The following BAZ1A variants were observed in gnomAD, a reference collection of about 807,000 sequenced individuals.
BAZ1A encodes the protein bromodomain adjacent to zinc finger domain 1A.
In BAZ1A, 50 loss-of-function variants were observed where a neutral mutation model predicts 185.2. That is an observed-to-expected ratio of 0.27 (90% CI 0.22 to 0.34). The LOEUF (loss-of-function observed/expected upper bound fraction) is 0.34. Ranked by LOEUF, BAZ1A falls within the 10% of genes least tolerant of loss-of-function variation. The pLI is 1.00. For missense variants in BAZ1A, 1,356 were observed against 1,839.9 expected (o/e 0.74, Z 4.81); for synonymous variants, 571 against 615.6 (o/e 0.93, Z 1.07).
chr14:34,810,920 G>T lies in BAZ1A; in HGVS notation c.638+15C>A, dbSNP rs1018738134. ...TTCTACTTTAAACTACTATTGAGAA[G>T]ATAGTGAGTTTTACCTGATTTGTGT... On this transcript the variant is annotated intron_variant, in intron 5 of 26. Coordinates refer to ENST00000360310, the MANE Select transcript of BAZ1A (RefSeq NM_013448.3). 6 of 1,531,890 alleles carry T rather than the reference G, an allele frequency of 3.9e-6. No homozygotes were observed. The highest frequency in any genetic ancestry group is 4.5e-6 in the Non-Finnish European group (5 of 1,109,406). 94.9% of individuals were successfully genotyped at this position (1,531,890 alleles called of 1,614,324 possible).
chr14:34,832,187 CATAT>C (rs113371932), intron 3 of BAZ1A, among the ~76,000 whole-genome samples: 3,809 of 98,904 alleles, frequency 0.039, 113 homozygotes, highest in Admixed American at 0.068. Flanking sequence ...TACATATATA[CATAT>C]ACACACACAC....
intron 19 of BAZ1A, 33 bp downstream of exon 19, chr14:34,774,289 GTAGAT>G (rs1211613919): frequency 3.2e-6 from 5 of 1,564,658 alleles, no homozygotes; most frequent in Non-Finnish European, 3.5e-6. Context: ...TCTGGACCAA[GTAGAT>G]TAGACAAACT....
Position 34,862,308 on chromosome 14 carries a change from C to G in BAZ1A, c.128G>C (p.Arg43Pro). 6.3e-7 allele frequency: 1 copy of G among 1,593,592 alleles called. No individual in the cohort carries two copies. Among genetic ancestry groups the G allele is most frequent in the Non-Finnish European group, 8.5e-7 (1 of 1,171,082 alleles). Residue 43 changes from arginine (R) to proline (P), a missense_variant, in exon 3 of 27, where the codon CGA becomes CCA. Physicochemically the swap from Arg to Pro is moderately radical, Grantham distance 103. Coordinates refer to ENST00000360310, the MANE Select transcript of BAZ1A (RefSeq NM_013448.3). ...CACAAGGCTGTTGCACAGAATGGTT[C>G]GTTCAAAAAAGTCACTGATTAAAAA... ...IFRHYDDFFE[R>P]TILCNSLVWS...
intron 3 of BAZ1A, among the ~76,000 whole-genome samples, chr14:34,840,735 C>T (rs1327208506): frequency 6.6e-6 from 1 of 151,432 alleles, no homozygotes; most frequent in African/African-American, 2.4e-5. Context: ...CCAGCCTGGG[C>T]GACAGAGTGA....
chr14:34,795,940 T>C (rs1400862309), intron 9 of BAZ1A, among the ~76,000 whole-genome samples, 175 bp from the exon 10 acceptor site: 1 of 152,016 alleles, frequency 6.6e-6, no homozygotes, highest in Non-Finnish European at 1.5e-5. Context: ...CTTCTGGTGG[T>C]TTTTAATACA....
rs570205497 is a variant in BAZ1A at position 34,835,962 on chromosome 14, G to A, written c.393-9806C>T. ...TTGGATTACAGGCGTGAGCCACTGC[G>A]CCCAGCTGGAAATAGCTTTTTATGA... is the stretch of plus-strand genomic sequence containing the variant. On this transcript the variant is annotated intron_variant, in intron 3 of 26. Coordinates refer to ENST00000360310, the MANE Select transcript of BAZ1A (RefSeq NM_013448.3). Among the ~76,000 whole-genome samples the A allele has an allele frequency of 4.0e-5, 6 of 151,798 alleles. No individual in the cohort carries two copies. The South Asian group carries it at 6.2e-4, about 16-fold the overall frequency.
At chr14:34,772,660 G>A (rs539243421) in intron 20 of BAZ1A, among the ~76,000 whole-genome samples, 1 of 152,282 alleles carries the variant, frequency 6.6e-6, no homozygotes, top group African/African-American at 2.4e-5. Context: ...GCTCAGGCTG[G>A]AGTGCAGTGG....
chr14:34,794,379 G>A (rs764663431), intron 11 of BAZ1A, among the ~76,000 whole-genome samples: 2 of 152,192 alleles, frequency 1.3e-5, no homozygotes, highest in Non-Finnish European at 2.9e-5. Flanking sequence ...CTCAAGAAGT[G>A]GAGTCTATTC....
chr14:34,858,139 C>A (rs1434287584), intron 3 of BAZ1A, among the ~76,000 whole-genome samples: 1 of 151,956 alleles, frequency 6.6e-6, no homozygotes, highest in Non-Finnish European at 1.5e-5. Flanking sequence ...GTTAATAGTG[C>A]CAAGGTGAAC....
At chr14:34,830,990 T>C (rs1000021049) in intron 3 of BAZ1A, among the ~76,000 whole-genome samples, 1 of 152,166 alleles carries the variant, frequency 6.6e-6, no homozygotes, top group East Asian at 1.9e-4. Flanking sequence ...ACAACTCTTA[T>C]GCAATCCTGG....
At chr14:34,840,576 T>C (rs548153530) in intron 3 of BAZ1A, among the ~76,000 whole-genome samples, 4 of 152,130 alleles carry the variant, frequency 2.6e-5, no homozygotes, top group Non-Finnish European at 4.4e-5. Flanking sequence ...CTGACCAGCG[T>C]GGTGAAATCT....
At chr14:34,821,894 G>A (rs1278863587) in intron 4 of BAZ1A, among the ~76,000 whole-genome samples, 1 of 152,144 alleles carries the variant, frequency 6.6e-6, no homozygotes, top group Non-Finnish European at 1.5e-5. Flanking sequence ...TGAGGCAGGA[G>A]AATCGCTTGA....
At chr14:34,842,950 C>T (rs1322895656) in intron 3 of BAZ1A, among the ~76,000 whole-genome samples, 1 of 151,808 alleles carries the variant, frequency 6.6e-6, no homozygotes, top group Non-Finnish European at 1.5e-5. Flanking sequence ...GAGGGGTGCC[C>T]ACTCATTGAA....
chr14:34,756,309 G>C (rs1490680895), intron 25 of BAZ1A, among the ~76,000 whole-genome samples: 1 of 150,766 alleles, frequency 6.6e-6, no homozygotes, highest in Non-Finnish European at 1.5e-5. Flanking sequence ...TAGAGACAGG[G>C]TTTCACCGTG....
intron 17 of BAZ1A, 57 bp downstream of exon 17, chr14:34,780,129 T>G: frequency 6.3e-7 from 1 of 1,588,482 alleles, no homozygotes. Flanking sequence ...ATTAATAAAG[T>G]GCTTTATTGG....
intron 23 of BAZ1A, among the ~76,000 whole-genome samples, chr14:34,763,677 T>G (rs574364050): frequency 6.6e-6 from 1 of 152,318 alleles, no homozygotes; most frequent in South Asian, 2.1e-4. Flanking sequence ...ATTGGCATAA[T>G]TTTTCCAACA....
At chr14:34,842,226 A>C (rs1301327213) in intron 3 of BAZ1A, among the ~76,000 whole-genome samples, 1 of 152,212 alleles carries the variant, frequency 6.6e-6, no homozygotes, top group Non-Finnish European at 1.5e-5. Flanking sequence ...AAAAAGGCAC[A>C]AACAATTGCA....
intron 4 of BAZ1A, among the ~76,000 whole-genome samples, chr14:34,821,158 T>C (rs10143208): frequency 0.012 from 1,846 of 152,284 alleles, 43 homozygotes; most frequent in African/African-American, 0.041. Flanking sequence ...AACCTATAGA[T>C]CAAGATGGGA....
intron 12 of BAZ1A, among the ~76,000 whole-genome samples, chr14:34,787,668 GT>G (rs1880571431): frequency 6.6e-6 from 1 of 152,122 alleles, no homozygotes; most frequent in African/African-American, 2.4e-5. Flanking sequence ...GGGCGACAGA[GT>G]TAGACTCCGT....
Sources: allele counts gnomAD v4.1 joint callset (sites outside exome capture counted in the v4.1 genomes callset), GRCh38; gene constraint gnomAD v4.1.1; transcripts MANE v1.5; gene names NCBI Gene and HGNC (gene_info 2026-07-23, HGNC 2026-07-21).